Variants in AATK observed in about 807,000 individuals in gnomAD.
AATK encodes lemur tail kinase 1.
Under a neutral mutation model 114.3 loss-of-function variants are expected in AATK, and 91 were observed. The observed-to-expected ratio is 0.80, with a 90% CI of 0.67 to 0.95. The LOEUF (loss-of-function observed/expected upper bound fraction) is 0.95. Ranked by LOEUF, AATK falls within the 40% of genes least tolerant of loss-of-function variation. The pLI, the probability that AATK is intolerant of heterozygous loss-of-function variation, is 0.00. For synonymous variants in AATK, 1,075 were observed against 916.5 expected (o/e 1.17, Z -3.12); for missense variants, 2,176 against 1,965.2 (o/e 1.11, Z -2.03).
At chr17:81,163,216 G>C (rs929625083) in intron 1 of AATK, among the ~76,000 whole-genome samples, 11 of 152,192 alleles carry the variant, frequency 7.2e-5, no homozygotes, top group African/African-American at 2.7e-4. Context: ...GACAGCTCCA[G>C]GCCCCAGGGC....
At chr17:81,134,529 G>A in intron 1 of AATK, 28 bp from the exon 2 acceptor site, 1 of 1,602,478 alleles carries the variant, frequency 6.2e-7, no homozygotes, top group Non-Finnish European at 8.5e-7. Flanking sequence ...GGTGAGAGTG[G>A]CCATGGCTGA....
Position 81,123,683 on chromosome 17 carries a change from C to T in AATK, c.963-340G>A, listed in dbSNP as rs144166658. On this transcript the variant is annotated intron_variant, in intron 9 of 13. Coordinates refer to ENST00000326724, the MANE Select transcript of AATK (RefSeq NM_001080395.3). ...TGCCCTGGGGGAGCTGGAGGGCGGGCGTGGAGCCCAAAGCGGAGTAGGGCC... is the reference window on the plus strand; with the variant it reads ...TGCCCTGGGGGAGCTGGAGGGCGGGTGTGGAGCCCAAAGCGGAGTAGGGCC... 5.5e-3 allele frequency among the ~76,000 whole-genome samples: 637 copies of T among 115,084 alleles called. 7 individuals carry two copies. Among genetic ancestry groups the T allele is most frequent in the Middle Eastern group, 0.038 (8 of 210 alleles). The allele number at this position is 115,084 out of a possible 152,430, so 75.5% of individuals were successfully genotyped here.
chr17:81,129,395 G>A (rs542934315), intron 3 of AATK, among the ~76,000 whole-genome samples: 80 of 152,280 alleles, frequency 5.3e-4, no homozygotes, highest in African/African-American at 1.8e-3. Context: ...GAGCAAGTGT[G>A]GGGGTCCTGA....
intron 1 of AATK, among the ~76,000 whole-genome samples, chr17:81,137,625 T>C (rs1001513664): frequency 6.6e-6 from 1 of 152,244 alleles, no homozygotes; most frequent in Admixed American, 6.5e-5. Flanking sequence ...ACTAGTGCCC[T>C]GGGAACCATG....
In AATK at chr17:81,122,407, C is replaced by A; in HGVS notation, c.1529G>T (p.Gly510Val). ...ARLQELCAPD[G>V]APPGVVPVLS... ...CACCGGAACCACGCCCGGGGGCGCG[C>A]CGTCGGGGGCGCACAGCTCCTGCAG... The change falls in exon 11 of 14, where the codon GGC becomes GTC. Residue 510 changes from glycine to valine, a missense_variant. By Grantham distance (109) the Gly-to-Val change is moderately radical (BLOSUM62 -3). Coordinates refer to ENST00000326724, the MANE Select transcript of AATK (RefSeq NM_001080395.3). 6.8e-7 allele frequency: 1 copy of A among 1,465,706 alleles called. No homozygotes were observed. Among genetic ancestry groups the A allele is most frequent in the South Asian group, 1.3e-5 (1 of 78,184 alleles). The allele number at this position is 1,465,706 out of a possible 1,614,324, so 90.8% of individuals were successfully genotyped here.
intron 1 of AATK, among the ~76,000 whole-genome samples, chr17:81,156,958 C>T (rs12936091): frequency 0.32 from 49,234 of 151,984 alleles, 8,133 homozygotes; most frequent in Non-Finnish European, 0.36. Context: ...ACAGGCCTCC[C>T]GACACAGGGG....
rs553682365 is a variant in AATK at position 81,122,397 on chromosome 17, C to T, written c.1539G>A (p.Pro513=). The change falls in exon 11 of 14, where the codon CCG becomes CCA. Residue 513 remains proline, a synonymous_variant. Coordinates refer to ENST00000326724, the MANE Select transcript of AATK (RefSeq NM_001080395.3). ...GCGCGCTGAGCACCGGAACCACGCC[C>T]GGGGGCGCGCCGTCGGGGGCGCACA... ...QELCAPDGAP[P]GVVPVLSAHS... 26 of 1,474,914 alleles carry T rather than the reference C, an allele frequency of 1.8e-5. No homozygotes were observed. In the African/African-American group the frequency reaches 3.1e-4, roughly 18 times the overall value. The allele number at this position is 1,474,914 out of a possible 1,614,324, so 91.4% of individuals were successfully genotyped here.
chr17:81,133,439 G>A (rs2060965804), intron 2 of AATK: 1 of 325,184 alleles, frequency 3.1e-6, no homozygotes, highest in African/African-American at 2.3e-5. Flanking sequence ...GGCACCCTGA[G>A]ATACAGACAG....
At chr17:81,144,880 G>C (rs1374259152) in intron 1 of AATK, among the ~76,000 whole-genome samples, 1 of 152,206 alleles carries the variant, frequency 6.6e-6, no homozygotes, top group African/African-American at 2.4e-5. Flanking sequence ...CACAGTGCTG[G>C]GGCACAAACC....
At chr17:81,159,712 C>T (rs2061407715) in intron 1 of AATK, among the ~76,000 whole-genome samples, 1 of 151,972 alleles carries the variant, frequency 6.6e-6, no homozygotes, top group Admixed American at 6.5e-5. Flanking sequence ...GGAGGATCCT[C>T]ACACCGAGGA....
chr17:81,138,060 C>T (rs1028576102), intron 1 of AATK, among the ~76,000 whole-genome samples: 2 of 139,346 alleles, frequency 1.4e-5, no homozygotes, highest in African/African-American at 2.7e-5. Flanking sequence ...AGACCCACAC[C>T]CGTGCACCCG....
intron 2 of AATK, among the ~76,000 whole-genome samples, chr17:81,134,094 A>G (rs1228568372): frequency 6.6e-6 from 1 of 152,126 alleles, no homozygotes; most frequent in African/African-American, 2.4e-5. Context: ...AGCCTCCGTG[A>G]GTGCTCGGGC....
In AATK at chr17:81,126,581, G is replaced by A. The variant is rs553445051; in HGVS notation, c.622-21C>T. On this transcript the variant is annotated intron_variant, in intron 6 of 13. Transcript: ENST00000326724. This position sits in a 1 kb window ranked among gnomAD's most constrained non-coding sequence, Gnocchi z 5.1. ...TCCCCCTGCAGAAAGGGGGTGTGGCGCAGTCACCAGCAGGCTGGGGGCTGG... is the reference window on the plus strand; with the variant it reads ...TCCCCCTGCAGAAAGGGGGTGTGGCACAGTCACCAGCAGGCTGGGGGCTGG... The A allele has an allele frequency of 1.2e-3, 1,878 of 1,526,800 alleles. 4 individuals are homozygous for A. Among genetic ancestry groups the A allele is most frequent in the South Asian group, 1.6e-3 (129 of 83,202 alleles). The allele number at this position is 1,526,800 out of a possible 1,614,324, so 94.6% of individuals were successfully genotyped here.
intron 1 of AATK, among the ~76,000 whole-genome samples, chr17:81,138,252 CACAG>C (rs1360255333): frequency 2.1e-5 from 3 of 139,898 alleles, no homozygotes; most frequent in Non-Finnish European, 4.9e-5. Flanking sequence ...CACACACATG[CACAG>C]AGACATACCC....
At chr17:81,162,610 G>T (rs888740769) in intron 1 of AATK, among the ~76,000 whole-genome samples, 1 of 152,118 alleles carries the variant, frequency 6.6e-6, no homozygotes, top group Admixed American at 6.5e-5. Flanking sequence ...CCCGGGGCTC[G>T]CTGCCTCCTC....
At chr17:81,158,274 C>T (rs959073383) in intron 1 of AATK, among the ~76,000 whole-genome samples, 5 of 152,248 alleles carry the variant, frequency 3.3e-5, no homozygotes, top group Non-Finnish European at 5.9e-5. Context: ...GAGCAGGGTC[C>T]GTCCTCCCCG....
chr17:81,128,002 C>A (rs2060871342), intron 4 of AATK, 92 bp from the exon 5 acceptor site: 11 of 1,478,752 alleles, frequency 7.4e-6, no homozygotes, highest in Non-Finnish European at 8.2e-6. Context: ...CCACGCCGGC[C>A]CCCAGGACAG....
At chr17:81,128,730 C>T (rs2060886250) in intron 3 of AATK, 181 bp from the exon 4 acceptor site, 1 of 1,414,836 alleles carries the variant, frequency 7.1e-7, no homozygotes, top group African/African-American at 1.4e-5. Flanking sequence ...GCAGGGGCCG[C>T]TGCTTCCCAG....
In AATK at chr17:81,164,425, A is replaced by C. The variant is rs377064166; in HGVS notation, c.55+1513T>G. On this transcript the variant is annotated intron_variant, in intron 1 of 13. Transcript: ENST00000326724. ...GCCCCAGAGCCCAGCAGGTGCCTGC[A>C]GCTCTGGCCCAGCATCTTGCAGAGG... Among the ~76,000 whole-genome samples, 22 of 152,206 alleles carry C rather than the reference A, an allele frequency of 1.4e-4. 1 individual carries two copies. The East Asian group carries it at 1.9e-3, about 13-fold the overall frequency.
Sources: allele counts gnomAD v4.1 joint callset (sites outside exome capture counted in the v4.1 genomes callset), GRCh38; gene constraint gnomAD v4.1.1; non-coding constraint Gnocchi (gnomAD v3.1); transcripts MANE v1.5; gene names NCBI Gene and HGNC (gene_info 2026-07-23, HGNC 2026-07-21).